Variants in CNTN5 observed in about 807,000 individuals in gnomAD.
CNTN5 encodes the protein contactin 5, also known as contactin-5.
A neutral mutation model predicts 129.1 loss-of-function variants in CNTN5; 77 were observed. That is an observed-to-expected ratio of 0.60 (90% CI 0.50 to 0.72). The LOEUF is 0.72. CNTN5 is among the 30% of genes least tolerant of loss of function. The probability of loss-of-function intolerance (pLI) is 0.00; values close to 1 mark genes in which losing one functional copy is unlikely to be tolerated. For missense variants in CNTN5, 1,478 were observed against 1,328.8 expected (o/e 1.11, Z -1.75); for synonymous variants, 509 against 465.6 (o/e 1.09, Z -1.20).
chr11:99,247,084 A>G (rs1861847606), intron 1 of CNTN5, among the ~76,000 whole-genome samples: 1 of 152,158 alleles, frequency 6.6e-6, no homozygotes, highest in Non-Finnish European at 1.5e-5. Flanking sequence ...TCTATGTAGA[A>G]TTTTCTGTGT....
At chr11:100,289,790 T>C (rs1280785340) in intron 18 of CNTN5, among the ~76,000 whole-genome samples, 1 of 149,560 alleles carries the variant, frequency 6.7e-6, no homozygotes, top group African/African-American at 2.5e-5. Context: ...AAATAAAGGG[T>C]ATTCAATTAG....
At chr11:99,634,578 G>A (rs78593312) in intron 3 of CNTN5, among the ~76,000 whole-genome samples, 1 of 152,208 alleles carries the variant, frequency 6.6e-6, no homozygotes, top group African/African-American at 2.4e-5. Flanking sequence ...CTATTTAAAT[G>A]GAAATATGGT....
intron 13 of CNTN5, among the ~76,000 whole-genome samples, chr11:100,084,306 C>G (rs965209910): frequency 1.3e-5 from 2 of 152,072 alleles, no homozygotes; most frequent in East Asian, 1.9e-4. Flanking sequence ...ATTCAAGCAT[C>G]TAAGTATATG....
chr11:99,613,725 C>A (rs550057138), intron 3 of CNTN5, among the ~76,000 whole-genome samples: 1 of 152,148 alleles, frequency 6.6e-6, no homozygotes, highest in East Asian at 1.9e-4. Flanking sequence ...AATGATTCAC[C>A]ATTTTTATTC....
Position 99,763,007 on chromosome 11 carries a change from C to T in CNTN5, c.56-56537C>T, listed in dbSNP as rs1442696382. Among the ~76,000 whole-genome samples, 7 of 152,084 alleles carry T rather than the reference C, an allele frequency of 4.6e-5. No individual in the cohort carries two copies. The South Asian group carries it at 1.2e-3, about 27-fold the overall frequency. On this transcript the variant is annotated intron_variant, in intron 3 of 24. Coordinates refer to ENST00000524871, the MANE Select transcript of CNTN5 (RefSeq NM_014361.4). ...TGACTTTGACATCCTTATTTGATAGCCCAAATCTATGCCAGTGTTTCCTAA... is the reference window on the plus strand; with the variant it reads ...TGACTTTGACATCCTTATTTGATAGTCCAAATCTATGCCAGTGTTTCCTAA...
At chr11:99,343,373 A>G (rs1242763288) in intron 2 of CNTN5, among the ~76,000 whole-genome samples, 1 of 152,216 alleles carries the variant, frequency 6.6e-6, no homozygotes, top group Admixed American at 6.5e-5. Context: ...TCAGCATGAT[A>G]AAAAGGTTTC....
At chr11:99,452,653 G>A (rs1039280163) in intron 2 of CNTN5, among the ~76,000 whole-genome samples, 1 of 152,082 alleles carries the variant, frequency 6.6e-6, no homozygotes, top group South Asian at 2.1e-4. Flanking sequence ...GATTACAGGT[G>A]TGAGCCACCG....
In CNTN5 at chr11:99,766,623, T is replaced by C. The variant is rs184501196; in HGVS notation, c.56-52921T>C. 1.1e-4 allele frequency among the ~76,000 whole-genome samples: 17 copies of C among 152,168 alleles called. No homozygotes were observed. The East Asian group carries it at 3.3e-3, about 29-fold the overall frequency. ...GACCACACTGTTTGCCAAACGTCAT[T>C]CCATATTTTCTTAACACTTTTATTA... is the stretch of plus-strand genomic sequence containing the variant. On this transcript the variant is annotated intron_variant, in intron 3 of 24. Transcript: ENST00000524871.
chr11:100,006,292 C>T (rs1467543381), intron 9 of CNTN5, among the ~76,000 whole-genome samples: 1 of 152,048 alleles, frequency 6.6e-6, no homozygotes, highest in Admixed American at 6.6e-5. Context: ...GTGGCTGTGG[C>T]AATTTATTAA....
intron 3 of CNTN5, among the ~76,000 whole-genome samples, chr11:99,768,902 A>G (rs1490991615): frequency 6.6e-6 from 1 of 152,180 alleles, no homozygotes; most frequent in Non-Finnish European, 1.5e-5. Flanking sequence ...AATGGATTTA[A>G]CATCTATTGA....
intron 6 of CNTN5, among the ~76,000 whole-genome samples, chr11:99,881,731 G>A (rs911320682): frequency 1.3e-5 from 2 of 152,218 alleles, no homozygotes; most frequent in East Asian, 3.8e-4. Context: ...TGGTACAGAA[G>A]CTGCTAGTGC....
At position 99,571,107 on chromosome 11, in the gene CNTN5, C is replaced by A. The variant is rs1690801; in HGVS notation, c.55+14838C>A. Among the ~76,000 whole-genome samples the A allele has an allele frequency of 3.2e-3, 486 of 152,296 alleles. 2 individuals carry two copies. The highest frequency in any genetic ancestry group is 9.7e-3 in the African/African-American group (403 of 41,544). ...AGAGGAGAGGTATAAGTTAATAACA[C>A]GTAAAGGCAGCCTGCTTTCTGCTTT... On this transcript the variant is annotated intron_variant, in intron 3 of 24. Coordinates refer to ENST00000524871, the MANE Select transcript of CNTN5 (RefSeq NM_014361.4).
At chr11:100,152,462 T>C (rs1947097916) in intron 13 of CNTN5, among the ~76,000 whole-genome samples, 1 of 152,134 alleles carries the variant, frequency 6.6e-6, no homozygotes. Context: ...AATGCTTTTA[T>C]GCGTGACACA....
chr11:99,027,432 A>G (rs995153327), intron 1 of CNTN5, among the ~76,000 whole-genome samples: 3 of 151,652 alleles, frequency 2.0e-5, no homozygotes, highest in African/African-American at 7.2e-5. Flanking sequence ...AAAGCAGAGA[A>G]TATATCTCTT....
rs887372804 is a variant in CNTN5, at chr11:99,443,210, T to C, written c.-70-112935T>C. ...GACTGTCTGGATCTACCTATCAAAA[T>C]GCTCAGACAAATGAAAACATGGAAA... is the stretch of plus-strand genomic sequence containing the variant. On this transcript the variant is annotated intron_variant, in intron 2 of 24. Coordinates refer to ENST00000524871, the MANE Select transcript of CNTN5 (RefSeq NM_014361.4). 2.2e-4 allele frequency among the ~76,000 whole-genome samples: 34 copies of C among 152,314 alleles called. 1 individual carries two copies. The highest frequency in any genetic ancestry group is 1.8e-3 in the Admixed American group (28 of 15,302).
intron 6 of CNTN5, among the ~76,000 whole-genome samples, chr11:99,883,399 A>G (rs929330872): frequency 1.3e-5 from 2 of 152,156 alleles, no homozygotes; most frequent in African/African-American, 4.8e-5. Flanking sequence ...TCTTTTGGAT[A>G]TAAGCCGTTT....
chr11:100,009,743 G>A (rs1835984277), intron 9 of CNTN5, among the ~76,000 whole-genome samples: 1 of 152,156 alleles, frequency 6.6e-6, no homozygotes, highest in Non-Finnish European at 1.5e-5. Flanking sequence ...TAATGGTTTA[G>A]ATGTAATGTT....
At chr11:99,540,901 A>G (rs1948082118) in intron 2 of CNTN5, among the ~76,000 whole-genome samples, 1 of 152,222 alleles carries the variant, frequency 6.6e-6, no homozygotes, top group South Asian at 2.1e-4. Context: ...AAGTATCTTG[A>G]TAAACATCCA....
At chr11:99,678,454 T>C (rs1349094161) in intron 3 of CNTN5, among the ~76,000 whole-genome samples, 2 of 152,128 alleles carry the variant, frequency 1.3e-5, no homozygotes, top group South Asian at 4.1e-4. Context: ...CCACTAATTA[T>C]TTTCCCCAGA....
Sources: allele counts gnomAD v4.1 joint callset (sites outside exome capture counted in the v4.1 genomes callset), GRCh38; gene constraint gnomAD v4.1.1; transcripts MANE v1.5; gene names NCBI Gene and HGNC (gene_info 2026-07-23, HGNC 2026-07-21).